Variants in TSGA10 observed in about 807,000 individuals in gnomAD.
The protein encoded by TSGA10 is testis-specific gene 10 protein.
A neutral mutation model predicts 96.6 loss-of-function variants in TSGA10; 43 were observed. That is an observed-to-expected ratio of 0.44 (90% CI 0.35 to 0.57). TSGA10 has a LOEUF of 0.57. Among genes scored for constraint, TSGA10 ranks in the 20% least tolerant of loss-of-function variants. TSGA10 has a pLI of 0.01. For missense variants in TSGA10, 703 were observed against 834.4 expected (o/e 0.84, Z 1.94); for synonymous variants, 229 against 269.9 (o/e 0.85, Z 1.48).
chr2:99,104,513 C>T (rs138795220), intron 9 of TSGA10, among the ~76,000 whole-genome samples: 2,007 of 151,358 alleles, frequency 0.013, 41 homozygotes, highest in African/African-American at 0.044. Context: ...ATCGCTCCAT[C>T]GCCCAGGTTG....
In TSGA10 at chr2:99,015,733, C is replaced by T. The variant is rs552792147; in HGVS notation, c.2072+2467G>A. 4.9e-4 allele frequency among the ~76,000 whole-genome samples: 75 copies of T among 152,192 alleles called. 4 individuals carry two copies. In the South Asian group the frequency reaches 0.015, roughly 30 times the overall value. ...TGTTCACTGACGATATGATCATATA[C>T]CTAGAAAACCCTACAGACTCATCCA... On this transcript the variant is annotated intron_variant, in intron 20 of 20. Transcript: ENST00000393483.
At chr2:99,074,887 G>A (rs1451195948) in intron 12 of TSGA10, among the ~76,000 whole-genome samples, 5 of 152,042 alleles carry the variant, frequency 3.3e-5, no homozygotes, top group Non-Finnish European at 5.9e-5. Context: ...GAACTCGGGT[G>A]GCGAGGGTTG....
In TSGA10 at chr2:99,008,785, G is replaced by A. The variant is rs550625248; in HGVS notation, c.2072+9415C>T. Among the ~76,000 whole-genome samples the A allele has an allele frequency of 3.5e-4, 53 of 152,150 alleles. 1 individual carries two copies. Among genetic ancestry groups the A allele is most frequent in the Non-Finnish European group, 6.8e-4 (46 of 68,026 alleles). ...AAACTACCTAAATGTCCAAGTTTAG[G>A]AGGTGGGTTGCATAACTATGGTACA... On this transcript the variant is annotated intron_variant, in intron 20 of 20. Transcript: ENST00000393483.
intron 16 of TSGA10, among the ~76,000 whole-genome samples, chr2:99,059,725 C>G (rs1173164713): frequency 6.7e-6 from 1 of 149,880 alleles, no homozygotes; most frequent in East Asian, 2.0e-4. Flanking sequence ...CAAGCCCGGC[C>G]AACATGGTGA....
At chr2:99,123,751 T>G (rs2092693683) in intron 2 of TSGA10, among the ~76,000 whole-genome samples, 1 of 152,232 alleles carries the variant, frequency 6.6e-6, no homozygotes, top group African/African-American at 2.4e-5. Flanking sequence ...TCTTCCTATG[T>G]CTGGCTTATT....
intron 12 of TSGA10, among the ~76,000 whole-genome samples, chr2:99,077,494 C>T (rs2086859422): frequency 6.6e-6 from 1 of 152,166 alleles, no homozygotes; most frequent in Admixed American, 6.5e-5. Flanking sequence ...GAACTGCTTT[C>T]AGAAATCAGT....
chr2:99,113,183 C>G (rs1001387637), intron 4 of TSGA10, among the ~76,000 whole-genome samples: 27 of 152,034 alleles, frequency 1.8e-4, no homozygotes, highest in African/African-American at 5.8e-4. Context: ...TAATGTATGT[C>G]CACAAATTCT....
At chr2:99,003,200 G>A (rs2104800294) in intron 20 of TSGA10, among the ~76,000 whole-genome samples, 1 of 152,226 alleles carries the variant, frequency 6.6e-6, no homozygotes, top group African/African-American at 2.4e-5. Flanking sequence ...AGACAAAGAA[G>A]GCCATTACAT....
chr2:99,016,629 C>T (rs2079535397), intron 20 of TSGA10, among the ~76,000 whole-genome samples: 1 of 152,052 alleles, frequency 6.6e-6, no homozygotes, highest in Non-Finnish European at 1.5e-5. Flanking sequence ...GAAACAAAAA[C>T]AAATATAAAT....
intron 20 of TSGA10, among the ~76,000 whole-genome samples, chr2:99,013,560 T>C (rs1315347509): frequency 1.3e-5 from 2 of 151,480 alleles, no homozygotes. Context: ...CTCAATCTCC[T>C]GATGTCGTGA....
intron 16 of TSGA10, among the ~76,000 whole-genome samples, chr2:99,038,726 G>C (rs1278973136): frequency 6.6e-6 from 1 of 151,922 alleles, no homozygotes; most frequent in African/African-American, 2.4e-5. Flanking sequence ...CAATAGACAG[G>C]TCATTAAGAC....
chr2:99,153,995 A>C (rs2093721798), intron 1 of TSGA10, among the ~76,000 whole-genome samples: 1 of 152,156 alleles, frequency 6.6e-6, no homozygotes, highest in African/African-American at 2.4e-5. Context: ...GAAGTCCATT[A>C]CCCCACGCCT....
chr2:99,132,960 T>C lies in TSGA10; in HGVS notation c.-620-5784A>G, dbSNP rs574819598. On this transcript the variant is annotated intron_variant, in intron 1 of 20. Transcript: ENST00000393483. ...TTGATTGCACTGTGGTCTGCGAGAC[T>C]GTTATCATTTCCATTCTTTTGCATT... Among the ~76,000 whole-genome samples the C allele has an allele frequency of 3.3e-5, 5 of 152,342 alleles. No individual in the cohort carries two copies. In the East Asian group the frequency reaches 9.6e-4, roughly 29 times the overall value.
chr2:99,099,933 T>A (rs2090503512), intron 10 of TSGA10, among the ~76,000 whole-genome samples: 1 of 152,128 alleles, frequency 6.6e-6, no homozygotes, highest in Non-Finnish European at 1.5e-5. Flanking sequence ...TAAAAACAGT[T>A]AAAATCATCT....
intron 1 of TSGA10, among the ~76,000 whole-genome samples, chr2:99,143,876 A>T (rs2093603235): frequency 6.6e-6 from 1 of 151,942 alleles, no homozygotes. Context: ...CAAAAGCTTC[A>T]CTACAAAAAC....
At chr2:99,099,550 T>G (rs1424549424) in intron 10 of TSGA10, among the ~76,000 whole-genome samples, 1 of 152,176 alleles carries the variant, frequency 6.6e-6, no homozygotes, top group East Asian at 1.9e-4. Context: ...AAAAATAATG[T>G]GACCATCTAA....
intron 7 of TSGA10, among the ~76,000 whole-genome samples, chr2:99,108,416 G>C (rs1210294964): frequency 1.3e-5 from 2 of 152,072 alleles, no homozygotes; most frequent in Admixed American, 6.6e-5. Flanking sequence ...AGAAAGCAGA[G>C]ATAAACTACA....
At chr2:99,005,037 A>G (rs1413638917) in intron 20 of TSGA10, among the ~76,000 whole-genome samples, 4 of 152,240 alleles carry the variant, frequency 2.6e-5, no homozygotes, top group Non-Finnish European at 5.9e-5. Context: ...ACCAAAGACA[A>G]AAACCACATG....
Position 99,065,043 on chromosome 2 carries a change from A to G in TSGA10, c.1300T>C (p.Ser434Pro), listed in dbSNP as rs1374052394. The change falls in exon 16 of 21, where the codon TCA becomes CCA. Residue 434 changes from serine (S) to proline (P), a missense_variant. Physicochemically the swap from Ser to Pro is moderately conservative, Grantham distance 74. Around this residue, in one of 3 missense-constraint regions of TSGA10, gnomAD observed 585 missense variants for 656.8 expected, o/e 0.89. Coordinates refer to ENST00000393483, the MANE Select transcript of TSGA10 (RefSeq NM_025244.4). ...AENWENKARQ[S>P]EADNNTLKLE... is the part of the protein sequence containing the mutation. ...TTGAGGGTATTGTTATCTGCCTCTG[A>G]TTGACGGGCTTTATTTTCCCAGTTT... 6.2e-7 allele frequency: 1 copy of G among 1,613,910 alleles called. No individual in the cohort carries two copies.
Sources: gnomAD v4.1 joint callset for allele counts (sites outside exome capture counted in the v4.1 genomes callset) on GRCh38, gnomAD v4.1.1 for gene constraint, gnomAD v4.1.1 regional missense constraint, MANE v1.5 for transcripts, NCBI Gene and HGNC (gene_info 2026-07-23, HGNC 2026-07-21) for gene names.